Variants in KIAA1549L observed in about 807,000 individuals in gnomAD.
The protein encoded by KIAA1549L is UPF0606 protein KIAA1549L.
A neutral mutation model predicts 160.7 loss-of-function variants in KIAA1549L; 88 were observed. That is an observed-to-expected ratio of 0.55 (90% CI 0.46 to 0.65). KIAA1549L has a LOEUF of 0.65. KIAA1549L is among the 30% of genes least tolerant of loss of function. The pLI is 0.00. For missense variants in KIAA1549L, 2,258 were observed against 2,437.5 expected (o/e 0.93, Z 1.55); for synonymous variants, 950 against 976.7 (o/e 0.97, Z 0.51).
intron 1 of KIAA1549L, among the ~76,000 whole-genome samples, chr11:33,445,733 A>G (rs1017082132): frequency 1.3e-5 from 2 of 152,228 alleles, no homozygotes; most frequent in Non-Finnish European, 2.9e-5. Context: ...GCGTGGGGAC[A>G]GTAGTGCCTG....
chr11:33,411,329 G>A lies in KIAA1549L; in HGVS notation c.238+34440G>A, dbSNP rs991965623. Among the ~76,000 whole-genome samples, 3 of 152,132 alleles carry A rather than the reference G, an allele frequency of 2.0e-5. No homozygotes were observed. The East Asian group carries it at 5.8e-4, about 29-fold the overall frequency. ...TCCTGGCTGCACATGAGACCCACTT[G>A]GAGCACTTTTAGAAATCATGGCATC... On this transcript the variant is annotated intron_variant, in intron 1 of 20. Coordinates refer to ENST00000658780, the MANE Select transcript of KIAA1549L (RefSeq NM_012194.3).
chr11:33,542,526 A>G lies in KIAA1549L; in HGVS notation c.963A>G (p.Ser321=). 1 of 1,613,974 alleles carries G rather than the reference A, an allele frequency of 6.2e-7. No homozygotes were observed. Among genetic ancestry groups the G allele is most frequent in the Non-Finnish European group, 8.5e-7 (1 of 1,179,872 alleles). Residue 321 remains serine (S), a synonymous_variant, in exon 2 of 21, where the codon TCA becomes TCG. Coordinates refer to ENST00000658780, the MANE Select transcript of KIAA1549L (RefSeq NM_012194.3). ...CTCATCTAGGTGTTTCTGGATCCTC[A>G]ACAAAATGGCATTCCGAGCTGTCCC... ...GIPHLGVSGS[S]TKWHSELSPT...
At chr11:33,495,450 A>G (rs1380513437) in intron 1 of KIAA1549L, among the ~76,000 whole-genome samples, 3 of 152,086 alleles carry the variant, frequency 2.0e-5, no homozygotes, top group Non-Finnish European at 2.9e-5. Flanking sequence ...TACAAAGGAC[A>G]TGAACTCATC....
At chr11:33,614,557 TATATATATATATATATATATATA>T (rs1850743223) in intron 15 of KIAA1549L, among the ~76,000 whole-genome samples, 2 of 15,316 alleles carry the variant, frequency 1.3e-4, no homozygotes, top group African/African-American at 4.2e-4. Flanking sequence ...TATATATATA[TATATATATATATATATATATATA>T]TATATTTTTT....
intron 1 of KIAA1549L, among the ~76,000 whole-genome samples, chr11:33,486,989 G>A (rs1460142256): frequency 6.6e-6 from 1 of 152,168 alleles, no homozygotes; most frequent in East Asian, 1.9e-4. Context: ...ATTTTAAACA[G>A]AGCCTGTGTA....
intron 15 of KIAA1549L, among the ~76,000 whole-genome samples, chr11:33,615,880 C>T (rs1377144168): frequency 1.3e-5 from 2 of 152,138 alleles, no homozygotes; most frequent in Non-Finnish European, 2.9e-5. Flanking sequence ...TTCCCAAAAA[C>T]GATGTGTAAT....
intron 1 of KIAA1549L, among the ~76,000 whole-genome samples, chr11:33,486,666 T>C (rs1222695284): frequency 6.6e-6 from 1 of 152,206 alleles, no homozygotes; most frequent in Non-Finnish European, 1.5e-5. Context: ...TGTCTTTTCA[T>C]GAAGGACAAA....
intron 15 of KIAA1549L, among the ~76,000 whole-genome samples, chr11:33,611,242 G>A (rs771093967): frequency 1.3e-5 from 2 of 152,004 alleles, no homozygotes; most frequent in Admixed American, 1.3e-4. Flanking sequence ...CTTCCCTCTG[G>A]CCTTGAGCAT....
At chr11:33,382,808 C>A (rs1850097866) in intron 1 of KIAA1549L, among the ~76,000 whole-genome samples, 1 of 152,052 alleles carries the variant, frequency 6.6e-6, no homozygotes, top group Non-Finnish European at 1.5e-5. Context: ...AGGGAGGAGT[C>A]CCTGGCACCC....
At chr11:33,480,718 G>C (rs1243074342) in intron 1 of KIAA1549L, among the ~76,000 whole-genome samples, 1 of 152,202 alleles carries the variant, frequency 6.6e-6, no homozygotes, top group South Asian at 2.1e-4. Context: ...TTGAAAGTTA[G>C]TGGTTTTCCT....
intron 1 of KIAA1549L, among the ~76,000 whole-genome samples, chr11:33,472,480 C>A (rs1022684825): frequency 1.3e-5 from 2 of 152,054 alleles, no homozygotes; most frequent in Admixed American, 1.3e-4. Flanking sequence ...TTGAACAAAA[C>A]CTAGCCATAT....
intron 1 of KIAA1549L, among the ~76,000 whole-genome samples, chr11:33,407,175 C>G (rs1053582144): frequency 6.7e-6 from 1 of 149,700 alleles, no homozygotes; most frequent in African/African-American, 2.5e-5. Flanking sequence ...AACTCCGCCT[C>G]CCGGGTTCAC....
At chr11:33,516,020 A>G (rs180895413) in intron 1 of KIAA1549L, among the ~76,000 whole-genome samples, 253 of 152,318 alleles carry the variant, frequency 1.7e-3, no homozygotes, top group Middle Eastern at 3.4e-3. Flanking sequence ...ATTCTGTACT[A>G]CAGCACCCAA....
At chr11:33,600,220 G>A (rs1850319585) in intron 13 of KIAA1549L, among the ~76,000 whole-genome samples, 1 of 152,158 alleles carries the variant, frequency 6.6e-6, no homozygotes. Context: ...TTCTACATCA[G>A]AAATGGGGTG....
chr11:33,644,265 T>C (rs149425642), intron 16 of KIAA1549L, among the ~76,000 whole-genome samples: 3 of 152,352 alleles, frequency 2.0e-5, no homozygotes, highest in African/African-American at 7.2e-5. Flanking sequence ...TTTTTTGTGC[T>C]TTCTATATTT....
intron 11 of KIAA1549L, 60 bp downstream of exon 11, chr11:33,583,561 T>C: frequency 6.8e-7 from 1 of 1,464,934 alleles, no homozygotes; most frequent in Non-Finnish European, 9.2e-7. Flanking sequence ...TCAGCCTGCC[T>C]TTCCCTCTTG....
At chr11:33,434,296 A>G (rs1412332245) in intron 1 of KIAA1549L, among the ~76,000 whole-genome samples, 1 of 152,190 alleles carries the variant, frequency 6.6e-6, no homozygotes. Flanking sequence ...CCCCTGCACA[A>G]GCTTTCTTGC....
rs985113215 is a variant in KIAA1549L, at chr11:33,376,599, C to G, written c.-53C>G. ...GAGGACCGGGGCGCCGAGGGCTGGG[C>G]TCCCCGGCGCGGTGCAGAGCGAGGC... On this transcript the variant is annotated 5_prime_UTR_variant, in exon 1 of 21. Transcript: ENST00000658780. This position sits in a 1 kb window ranked among gnomAD's most constrained non-coding sequence, Gnocchi z 5.8. The G allele has an allele frequency of 4.0e-5, 6 of 149,772 alleles. No homozygotes were observed. The highest frequency in any genetic ancestry group is 1.2e-4 in the African/African-American group (5 of 41,318). 9.3% of individuals were successfully genotyped at this position (149,772 alleles called of 1,614,324 possible).
intron 16 of KIAA1549L, among the ~76,000 whole-genome samples, chr11:33,635,644 C>T (rs1851417406): frequency 6.6e-6 from 1 of 152,202 alleles, no homozygotes; most frequent in South Asian, 2.1e-4. Flanking sequence ...CTCAAGAGCC[C>T]TTTATCCCTC....
Sources: allele counts gnomAD v4.1 joint callset (sites outside exome capture counted in the v4.1 genomes callset), GRCh38; gene constraint gnomAD v4.1.1; non-coding constraint Gnocchi (gnomAD v3.1); transcripts MANE v1.5; gene names NCBI Gene and HGNC (gene_info 2026-07-23, HGNC 2026-07-21).